The following TRPC4AP variants were observed in gnomAD, a reference collection of about 807,000 sequenced individuals.
TRPC4AP encodes transient receptor potential cation channel subfamily C member 4 associated protein.
TRPC4AP carries 45 observed loss-of-function variants against 99.0 expected under a neutral mutation model. The observed-to-expected ratio is 0.45, with a 90% CI of 0.36 to 0.58. The LOEUF is 0.58. Among genes scored for constraint, TRPC4AP ranks in the 20% least tolerant of loss-of-function variants. The probability of loss-of-function intolerance (pLI) is 0.00; values close to 1 mark genes in which losing one functional copy is unlikely to be tolerated. For synonymous variants in TRPC4AP, 408 were observed against 385.8 expected (o/e 1.06, Z -0.67); for missense variants, 879 against 985.3 (o/e 0.89, Z 1.44).
Position 35,069,398 on chromosome 20 carries a change from A to G in TRPC4AP, c.312T>C (p.Leu104=), listed in dbSNP as rs2084245449. Residue 104 remains leucine (L), a synonymous_variant, in exon 3 of 19, where the codon CTT becomes CTC. Transcript: ENST00000252015. ...CQNILKEISP[L]LSMEAMAFVT... is the part of the protein sequence containing the mutation. ...CAAATGCCATAGCCTCCATGGAGAG[A>G]AGAGGAGAAATTTCCTAGTTTTTTT... The G allele has an allele frequency of 1.2e-6, 2 of 1,607,738 alleles. No homozygotes were observed. Among genetic ancestry groups the G allele is most frequent in the Non-Finnish European group, 8.5e-7 (1 of 1,175,958 alleles).
intron 6 of TRPC4AP, among the ~76,000 whole-genome samples, chr20:35,045,781 C>G (rs577495520): frequency 7.9e-5 from 12 of 152,146 alleles, no homozygotes; most frequent in Middle Eastern, 3.4e-3. Context: ...CTCAGATGAT[C>G]CATCCACCTT....
chr20:35,088,782 C>CTA (rs2084957870), intron 1 of TRPC4AP, among the ~76,000 whole-genome samples: 1 of 152,064 alleles, frequency 6.6e-6, no homozygotes, highest in Non-Finnish European at 1.5e-5. Context: ...CCATCACATG[C>CTA]TATACCACAG....
chr20:35,059,942 GAAGA>G (rs1352680213), intron 3 of TRPC4AP, among the ~76,000 whole-genome samples: 3 of 151,666 alleles, frequency 2.0e-5, no homozygotes, highest in African/African-American at 7.3e-5. Flanking sequence ...AGACGAAGAA[GAAGA>G]AAAAACAGAA....
rs775150907 is a variant in TRPC4AP, at chr20:35,003,270, C to T, written c.2270G>A (p.Ser757Asn). ...CACTGTCTCCTTCCAGTATGAGAAG[C>T]TGATGCAGGAGCTCTGGGCAAAGAG... ...STCLENSSCI[S>N]FSYWKETVSI... The change falls in exon 19 of 19, where the codon AGC becomes AAC. Residue 757 changes from serine (S) to asparagine (N), a missense_variant. By Grantham distance (46) the Ser-to-Asn change is conservative. Around this residue, in one of 3 missense-constraint regions of TRPC4AP, gnomAD observed 224 missense variants for 264.7 expected, o/e 0.85. Coordinates refer to ENST00000252015, the MANE Select transcript of TRPC4AP (RefSeq NM_015638.3). 6.2e-7 allele frequency: 1 copy of T among 1,614,156 alleles called. No homozygotes were observed. The highest frequency in any genetic ancestry group is 8.5e-7 in the Non-Finnish European group (1 of 1,180,016).
At chr20:35,017,747 T>C (rs2082787716) in intron 9 of TRPC4AP, among the ~76,000 whole-genome samples, 1 of 152,228 alleles carries the variant, frequency 6.6e-6, no homozygotes, top group South Asian at 2.1e-4. Context: ...GCAGCCTCCA[T>C]TTCCATGGAC....
intron 11 of TRPC4AP, among the ~76,000 whole-genome samples, chr20:35,012,053 A>G (rs1028196000): frequency 6.6e-6 from 1 of 152,230 alleles, no homozygotes; most frequent in Non-Finnish European, 1.5e-5. Flanking sequence ...ACTCAGACTG[A>G]AGAGTCTGAT....
intron 1 of TRPC4AP, among the ~76,000 whole-genome samples, chr20:35,085,550 T>C (rs1040547593): frequency 4.7e-5 from 7 of 150,242 alleles, no homozygotes; most frequent in East Asian, 2.0e-4. Context: ...GAGGCGGAGG[T>C]TTCAGTAGTT....
intron 10 of TRPC4AP, among the ~76,000 whole-genome samples, chr20:35,013,833 A>G (rs185788491): frequency 1.0e-3 from 153 of 152,284 alleles, no homozygotes; most frequent in Middle Eastern, 3.4e-3. Flanking sequence ...TTGGTGAAAG[A>G]AGGGTTAGAA....
At chr20:35,049,438 A>C (rs779974768) in intron 6 of TRPC4AP, among the ~76,000 whole-genome samples, 57 of 152,098 alleles carry the variant, frequency 3.7e-4, no homozygotes, top group Admixed American at 6.5e-4. Flanking sequence ...ATTACTACCA[A>C]GGAGAACATA....
Position 35,002,720 on chromosome 20 carries a change from AG to A in TRPC4AP, c.*425del, listed in dbSNP as rs1176385578. 2 of 181,224 alleles carry A rather than the reference AG, an allele frequency of 1.1e-5. No individual in the cohort carries two copies. Among genetic ancestry groups the A allele is most frequent in the African/African-American group, 2.4e-5 (1 of 42,176 alleles). 11.2% of individuals were successfully genotyped at this position (181,224 alleles called of 1,614,324 possible). A position where few individuals can be genotyped will look rare whatever the true frequency, so the allele number is the denominator to read the frequency against. ...TACCCACCACCCCTGCCCAGGGCTC[AG>A]AAGCCTTTGCCTGGGTCCAAAGGCC... is the stretch of plus-strand genomic sequence containing the variant. On this transcript the variant is annotated 3_prime_UTR_variant, in exon 19 of 19. Coordinates refer to ENST00000252015, the MANE Select transcript of TRPC4AP (RefSeq NM_015638.3).
At chr20:35,066,979 A>T (rs2084161577) in intron 3 of TRPC4AP, among the ~76,000 whole-genome samples, 1 of 152,238 alleles carries the variant, frequency 6.6e-6, no homozygotes, top group South Asian at 2.1e-4. Context: ...AATGAATTTT[A>T]AAAACTATGC....
intron 1 of TRPC4AP, among the ~76,000 whole-genome samples, chr20:35,091,659 A>G (rs754485143): frequency 1.2e-4 from 19 of 152,192 alleles, no homozygotes; most frequent in Non-Finnish European, 2.1e-4. Context: ...GTAGTGGACT[A>G]GGTCCTATTC....
At chr20:35,054,875 A>G in intron 5 of TRPC4AP, 101 bp downstream of exon 5, 1 of 1,032,878 alleles carries the variant, frequency 9.7e-7, no homozygotes. Context: ...CACTGTCTGA[A>G]AGCAGCTCTT....
At chr20:35,063,480 C>T (rs774808916) in intron 3 of TRPC4AP, among the ~76,000 whole-genome samples, 1 of 151,958 alleles carries the variant, frequency 6.6e-6, no homozygotes, top group South Asian at 2.1e-4. Flanking sequence ...TTCTTTTTGG[C>T]GTGATAAAAA....
intron 6 of TRPC4AP, among the ~76,000 whole-genome samples, 188 bp from the exon 7 acceptor site, chr20:35,044,900 T>A (rs553532244): frequency 6.6e-6 from 1 of 152,178 alleles, no homozygotes; most frequent in African/African-American, 2.4e-5. Flanking sequence ...TTTGCTTGTT[T>A]ATCTGTAAAA....
intron 5 of TRPC4AP, among the ~76,000 whole-genome samples, chr20:35,054,282 GTT>G (rs1477461645): frequency 6.6e-6 from 1 of 151,716 alleles, no homozygotes; most frequent in African/African-American, 2.4e-5. Flanking sequence ...AGTTTACACA[GTT>G]TATCATAAGT....
At chr20:35,085,924 C>T (rs923038973) in intron 1 of TRPC4AP, among the ~76,000 whole-genome samples, 1 of 152,052 alleles carries the variant, frequency 6.6e-6, no homozygotes, top group African/African-American at 2.4e-5. Flanking sequence ...TTTCTTTAAT[C>T]CTAAATGTAA....
chr20:35,049,733 A>T, intron 6 of TRPC4AP, 133 bp downstream of exon 6: 1 of 1,058,692 alleles, frequency 9.4e-7, no homozygotes, highest in Non-Finnish European at 1.3e-6. Flanking sequence ...CAAGTTTTAT[A>T]CTTGAATACA....
chr20:35,030,159 T>G (rs1424803710), intron 8 of TRPC4AP, among the ~76,000 whole-genome samples: 1 of 147,566 alleles, frequency 6.8e-6, no homozygotes, highest in African/African-American at 2.5e-5. Flanking sequence ...GGGAATCACT[T>G]GAACCCAGGA....
Sources: gnomAD v4.1 joint callset for allele counts (sites outside exome capture counted in the v4.1 genomes callset) on GRCh38, gnomAD v4.1.1 for gene constraint, gnomAD v4.1.1 regional missense constraint, MANE v1.5 for transcripts, NCBI Gene and HGNC (gene_info 2026-07-23, HGNC 2026-07-21) for gene names.